Variants in MYRIP observed in about 807,000 individuals in gnomAD.
MYRIP encodes the protein myosin VIIA and Rab interacting protein.
A neutral mutation model predicts 98.0 loss-of-function variants in MYRIP; 49 were observed. The ratio of observed to expected loss-of-function variants is 0.50; its 90% CI spans 0.40 to 0.63. The LOEUF is 0.63. MYRIP is among the 30% of genes least tolerant of loss of function. The probability of loss-of-function intolerance (pLI) is 0.00; values close to 1 mark genes in which losing one functional copy is unlikely to be tolerated. For synonymous variants in MYRIP, 404 were observed against 409.5 expected, an observed-to-expected ratio of 0.99 and a Z score of 0.16; for missense variants, 1,004 against 1,058.2, an observed-to-expected ratio of 0.95 and a Z score of 0.71.
chr3:40,209,961 A>G lies in MYRIP; in HGVS notation c.1773A>G (p.Ala591=), dbSNP rs1421049742. The G allele has an allele frequency of 4.3e-6, 7 of 1,614,014 alleles. No individual in the cohort carries two copies. Among genetic ancestry groups the G allele is most frequent in the Non-Finnish European group, 5.9e-6 (7 of 1,179,982 alleles). Residue 591 remains alanine, a synonymous_variant, in exon 11 of 17, where the codon GCA becomes GCG. Transcript: ENST00000302541. ...EKRRNRLYEL[A]MKMSEKETSS... is the part of the protein sequence containing the mutation. ...GGAGAAACAGGCTGTACGAGTTAGC[A>G]ATGAAAATGAGTGAAAAGGAGACTT... is the stretch of plus-strand genomic sequence containing the variant.
At chr3:40,050,647 T>C (rs369411873) in intron 3 of MYRIP, among the ~76,000 whole-genome samples, 1 of 152,236 alleles carries the variant, frequency 6.6e-6, no homozygotes, top group African/African-American at 2.4e-5. Flanking sequence ...GAAATACATT[T>C]CATAACACTA....
At chr3:40,245,910 C>A (rs1195866869) in intron 13 of MYRIP, among the ~76,000 whole-genome samples, 1 of 106,772 alleles carries the variant, frequency 9.4e-6, no homozygotes, top group Non-Finnish European at 1.8e-5. Flanking sequence ...CCACACCCAG[C>A]TAATTTTTTT....
At chr3:39,835,123 T>C (rs1310068703) in intron 1 of MYRIP, among the ~76,000 whole-genome samples, 1 of 152,136 alleles carries the variant, frequency 6.6e-6, no homozygotes, top group Non-Finnish European at 1.5e-5. Context: ...AATATGCTTT[T>C]TATTGATCTA....
At chr3:40,080,628 T>G (rs1948453406) in intron 3 of MYRIP, among the ~76,000 whole-genome samples, 1 of 151,982 alleles carries the variant, frequency 6.6e-6, no homozygotes, top group South Asian at 2.1e-4. Context: ...TCTTATTCTC[T>G]AAGTGTGTAT....
intron 3 of MYRIP, among the ~76,000 whole-genome samples, chr3:40,132,301 G>C (rs1293964572): frequency 1.3e-5 from 2 of 152,190 alleles, no homozygotes; most frequent in African/African-American, 4.8e-5. Flanking sequence ...TCTGAAGCAT[G>C]TCACCCACCA....
chr3:39,966,871 C>T (rs1331895570), intron 2 of MYRIP, among the ~76,000 whole-genome samples: 2 of 152,160 alleles, frequency 1.3e-5, no homozygotes, highest in South Asian at 2.1e-4. Flanking sequence ...GGGCCAAGGG[C>T]CCACCAATGT....
intron 1 of MYRIP, among the ~76,000 whole-genome samples, chr3:39,816,964 A>G (rs985470788): frequency 1.3e-5 from 2 of 152,244 alleles, no homozygotes; most frequent in African/African-American, 4.8e-5. Flanking sequence ...TCATTAATGA[A>G]TTGCCCACTT....
chr3:39,942,742 A>C (rs1324743114), intron 2 of MYRIP, among the ~76,000 whole-genome samples: 1 of 152,108 alleles, frequency 6.6e-6, no homozygotes, highest in Non-Finnish European at 1.5e-5. Context: ...TCTATAGAAG[A>C]CTAGATCTGT....
chr3:39,954,564 A>AT (rs1318635823), intron 2 of MYRIP, among the ~76,000 whole-genome samples: 6 of 152,198 alleles, frequency 3.9e-5, no homozygotes, highest in Non-Finnish European at 8.8e-5. Context: ...AAAGATGGGG[A>AT]GAAACCAGAG....
At chr3:39,994,184 AG>A (rs967402541) in intron 2 of MYRIP, among the ~76,000 whole-genome samples, 2 of 152,216 alleles carry the variant, frequency 1.3e-5, no homozygotes, top group African/African-American at 4.8e-5. Flanking sequence ...AGTGTCGGAC[AG>A]TGGGTGCAGG....
intron 2 of MYRIP, among the ~76,000 whole-genome samples, chr3:39,997,955 G>C (rs1241416717): frequency 1.3e-5 from 2 of 152,112 alleles, no homozygotes; most frequent in Non-Finnish European, 2.9e-5. Flanking sequence ...CTCAATAAAT[G>C]CAGAAAAGGC....
chr3:40,166,701 T>C, intron 5 of MYRIP, 145 bp from the exon 6 acceptor site: 1 of 602,678 alleles, frequency 1.7e-6, no homozygotes, highest in Non-Finnish European at 3.0e-6. Context: ...GTGAGGCAGG[T>C]GGGAAGGGCG....
intron 2 of MYRIP, among the ~76,000 whole-genome samples, chr3:40,001,492 A>G (rs1946518705): frequency 6.6e-6 from 1 of 152,206 alleles, no homozygotes; most frequent in Admixed American, 6.5e-5. Flanking sequence ...TACTGTTATC[A>G]TGCAGTTCTG....
intron 3 of MYRIP, among the ~76,000 whole-genome samples, chr3:40,147,808 T>C (rs893794210): frequency 1.3e-5 from 2 of 152,222 alleles, no homozygotes; most frequent in Admixed American, 6.5e-5. Flanking sequence ...ATGTAGATTC[T>C]TAATTATATA....
intron 3 of MYRIP, among the ~76,000 whole-genome samples, chr3:40,140,679 T>C (rs1447825899): frequency 1.3e-5 from 2 of 152,162 alleles, no homozygotes; most frequent in Non-Finnish European, 2.9e-5. Flanking sequence ...GATAATACCT[T>C]ATTGTGGTCT....
At chr3:40,039,007 G>A (rs79744501) in intron 2 of MYRIP, among the ~76,000 whole-genome samples, 158 of 152,278 alleles carry the variant, frequency 1.0e-3, no homozygotes, top group Non-Finnish European at 1.5e-3. Flanking sequence ...GCCAATGAAG[G>A]AATCCCAAAG....
intron 9 of MYRIP, among the ~76,000 whole-genome samples, chr3:40,186,661 G>A (rs199931361): frequency 1.3e-5 from 2 of 152,174 alleles, no homozygotes; most frequent in Non-Finnish European, 2.9e-5. Context: ...AGTAGCCAGA[G>A]CAAGCCTCAA....
chr3:39,845,696 G>T lies in MYRIP; in HGVS notation c.-31+35780G>T, dbSNP rs1040891926. Among the ~76,000 whole-genome samples the T allele has an allele frequency of 1.3e-4, 19 of 151,972 alleles. 1 individual carries two copies. The highest frequency in any genetic ancestry group is 1.1e-3 in the Admixed American group (17 of 15,260). ...AAATGCCATCTATCTACTAGTAATT[G>T]ACTGGAGGTGGGGGCTCAAGGGACT... On this transcript the variant is annotated intron_variant, in intron 1 of 16. Coordinates refer to ENST00000302541, the MANE Select transcript of MYRIP (RefSeq NM_015460.4).
intron 1 of MYRIP, among the ~76,000 whole-genome samples, chr3:39,822,980 A>T (rs546252113): frequency 1.6e-3 from 245 of 151,616 alleles, no homozygotes; most frequent in African/African-American, 5.7e-3. Context: ...TGCTGCAATA[A>T]ACATGGGAGT....
Sources: allele counts gnomAD v4.1 joint callset (sites outside exome capture counted in the v4.1 genomes callset), GRCh38; gene constraint gnomAD v4.1.1; transcripts MANE v1.5; gene names NCBI Gene and HGNC (gene_info 2026-07-23, HGNC 2026-07-21).